C1orf116: variants seen among roughly 807,000 people sequenced by gnomAD.
C1orf116 encodes the protein specifically androgen-regulated gene protein.
A neutral mutation model predicts 14.1 loss-of-function variants in C1orf116; 12 were observed. That is an observed-to-expected ratio of 0.85 (90% CI 0.54 to 1.38). The LOEUF (loss-of-function observed/expected upper bound fraction) is 1.38. Among genes scored for constraint, C1orf116 ranks in the 40% most tolerant of loss-of-function variants. The probability of loss-of-function intolerance (pLI) is 0.00; values close to 1 mark genes in which losing one functional copy is unlikely to be tolerated. For missense variants in C1orf116, 797 were observed against 747.0 expected (o/e 1.07, Z -0.78); for synonymous variants, 296 against 299.0 (o/e 0.99, Z 0.10).
rs1227241034 is a variant in C1orf116 at position 207,020,121 on chromosome 1, TATA to T, written c.*1834_*1836del. 3 of 152,168 alleles carry T rather than the reference TATA, an allele frequency of 2.0e-5. No homozygotes were observed. Among genetic ancestry groups the T allele is most frequent in the African/African-American group, 7.2e-5 (3 of 41,428 alleles). The allele number at this position is 152,168 out of a possible 1,614,324, so 9.4% of individuals were successfully genotyped here. A position where few individuals can be genotyped will look rare whatever the true frequency, so the allele number is the denominator to read the frequency against. ...GCAGCTTTCTCTCTTTCTGGGGGTG[TATA>T]ATAAGACATAACTTGGCCGGTTGTG... On this transcript the variant is annotated 3_prime_UTR_variant, in exon 4 of 4. Transcript: ENST00000359470.
Position 207,032,740 on chromosome 1 carries a change from GC to G in C1orf116, c.-244del. On this transcript the variant is annotated 5_prime_UTR_variant, in exon 1 of 4. Coordinates refer to ENST00000359470, the MANE Select transcript of C1orf116 (RefSeq NM_023938.6). ...GTAAATGCTTCATCTGTGCTGCCTGGCCCCCACCCTGCCACTGACTCAGCCA... is the reference window on the plus strand; with the variant it reads ...GTAAATGCTTCATCTGTGCTGCCTGGCCCCACCCTGCCACTGACTCAGCCA... 1.0e-6 allele frequency: 1 copy of G among 985,270 alleles called. No individual in the cohort carries two copies. The highest frequency in any genetic ancestry group is 1.7e-5 in the African/African-American group (1 of 57,260). 61.0% of individuals were successfully genotyped at this position (985,270 alleles called of 1,614,324 possible).
chr1:207,031,695 C>T (rs1682250541), intron 1 of C1orf116, among the ~76,000 whole-genome samples: 1 of 152,218 alleles, frequency 6.6e-6, no homozygotes, highest in South Asian at 2.1e-4. Flanking sequence ...CACAAACTGC[C>T]AACTGGGACA....
At chr1:207,028,180 A>T (rs1449418651) in intron 1 of C1orf116, among the ~76,000 whole-genome samples, 3 of 152,222 alleles carry the variant, frequency 2.0e-5, no homozygotes, top group East Asian at 3.8e-4. Context: ...AGACCTCATG[A>T]GTCAATAATT....
chr1:207,026,386 C>T (rs537927234), intron 2 of C1orf116, among the ~76,000 whole-genome samples: 1 of 152,336 alleles, frequency 6.6e-6, no homozygotes, highest in Non-Finnish European at 1.5e-5. Flanking sequence ...TGAGTTTCTC[C>T]TTCATGAATG....
rs1238163113 is a variant in C1orf116 at position 207,019,778 on chromosome 1, T to C, written c.*2180A>G. On this transcript the variant is annotated 3_prime_UTR_variant, in exon 4 of 4. Transcript: ENST00000359470. The stretch of plus-strand genomic sequence containing the variant: ...ATTAAGAAAACTGGAGAAATGGGCA[T>C]GTCAGTAGGATGAGGATGCCTAGTG... 1.3e-5 allele frequency: 2 copies of C among 152,210 alleles called. No homozygotes were observed. The highest frequency in any genetic ancestry group is 4.8e-5 in the African/African-American group (2 of 41,436). 9.4% of individuals were successfully genotyped at this position (152,210 alleles called of 1,614,324 possible). A position where few individuals can be genotyped will look rare whatever the true frequency, so the allele number is the denominator to read the frequency against.
chr1:207,031,916 G>A (rs983844783), intron 1 of C1orf116, among the ~76,000 whole-genome samples: 1 of 152,194 alleles, frequency 6.6e-6, no homozygotes, highest in African/African-American at 2.4e-5. Context: ...AAAGTTAATT[G>A]AGTAGAATCC....
At position 207,020,015 on chromosome 1, in the gene C1orf116, A is replaced by T. The variant is rs1292113859; in HGVS notation, c.*1943T>A. 1 of 152,210 alleles carries T rather than the reference A, an allele frequency of 6.6e-6. No individual in the cohort carries two copies. Among genetic ancestry groups the T allele is most frequent in the African/African-American group, 2.4e-5 (1 of 41,456 alleles). The allele number at this position is 152,210 out of a possible 1,614,324, so 9.4% of individuals were successfully genotyped here. ...AAATTAATGAATAAGGAATAAGGTG[A>T]TCATTCTTCAGGTTATGGGTTGAAA... On this transcript the variant is annotated 3_prime_UTR_variant, in exon 4 of 4. Transcript: ENST00000359470.
Position 207,020,109 on chromosome 1 carries a change from T to C in C1orf116, c.*1849A>G, listed in dbSNP as rs1431481932. ...GTCCTCCAGAAGGCAGCTTTCTCTC[T>C]TTCTGGGGGTGTATAATAAGACATA... On this transcript the variant is annotated 3_prime_UTR_variant, in exon 4 of 4. Transcript: ENST00000359470. 1 of 152,206 alleles carries C rather than the reference T, an allele frequency of 6.6e-6. No homozygotes were observed. The highest frequency in any genetic ancestry group is 1.5e-5 in the Non-Finnish European group (1 of 68,048). The allele number at this position is 152,206 out of a possible 1,614,324, so 9.4% of individuals were successfully genotyped here.
chr1:207,022,747 T>C lies in C1orf116; in HGVS notation c.1017A>G (p.Ser339=). ...APGDSGLISC[S]LQEQRKARKE... is the part of the protein sequence containing the mutation. Reference sequence around the variant, plus strand: ...TACGTGCTTTTCTCTGCTCTTGCAGTGAACAGGAGATCAGGCCAGAATCTC... The same window carrying C: ...TACGTGCTTTTCTCTGCTCTTGCAGCGAACAGGAGATCAGGCCAGAATCTC... Residue 339 remains serine, a synonymous_variant, in exon 4 of 4, where the codon TCA becomes TCG. Transcript: ENST00000359470. The C allele has an allele frequency of 2.5e-6, 4 of 1,614,166 alleles. No homozygotes were observed. The highest frequency in any genetic ancestry group is 2.5e-6 in the Non-Finnish European group (3 of 1,180,032).
In C1orf116 at chr1:207,024,969, G is replaced by A. The variant is rs541943878; in HGVS notation, c.201C>T (p.Ser67=). 4 of 1,613,966 alleles carry A rather than the reference G, an allele frequency of 2.5e-6. No individual in the cohort carries two copies. The highest frequency in any genetic ancestry group is 2.2e-5 in the East Asian group (1 of 44,870). Reference sequence around the variant, plus strand: ...GCTCAGACTCGTCAGTGGACAGTCCGCTGTCAGCCTCCGTGTCCAGTGAGC... The same window carrying A: ...GCTCAGACTCGTCAGTGGACAGTCCACTGTCAGCCTCCGTGTCCAGTGAGC... The part of the protein sequence containing the change: ...TIGSLDTEAD[S]GLSTDESEPA... The change falls in exon 3 of 4, where the codon AGC becomes AGT. Residue 67 remains serine, a synonymous_variant. Coordinates refer to ENST00000359470, the MANE Select transcript of C1orf116 (RefSeq NM_023938.6).
At chr1:207,028,697 G>A (rs760125574) in intron 1 of C1orf116, among the ~76,000 whole-genome samples, 8 of 152,202 alleles carry the variant, frequency 5.3e-5, no homozygotes, top group Non-Finnish European at 1.0e-4. Flanking sequence ...AAGGAAGGCA[G>A]TGCCATCTTC....
At position 207,019,807 on chromosome 1, in the gene C1orf116, G is replaced by C. The variant is rs1044274503; in HGVS notation, c.*2151C>G. Reference sequence around the variant, plus strand: ...AGTAGGATGAGGATGCCTAGTGGCAGGTGCAGGATGTCTGTGACTTTGTCG... The same window carrying C: ...AGTAGGATGAGGATGCCTAGTGGCACGTGCAGGATGTCTGTGACTTTGTCG... On this transcript the variant is annotated 3_prime_UTR_variant, in exon 4 of 4. Transcript: ENST00000359470. 2 of 152,210 alleles carry C rather than the reference G, an allele frequency of 1.3e-5. No individual in the cohort carries two copies. The highest frequency in any genetic ancestry group is 1.3e-4 in the Admixed American group (2 of 15,282). The allele number at this position is 152,210 out of a possible 1,614,324, so 9.4% of individuals were successfully genotyped here.
At position 207,022,714 on chromosome 1, in the gene C1orf116, A is replaced by G; in HGVS notation, c.1050T>C (p.Ala350=). The G allele has an allele frequency of 6.2e-7, 1 of 1,614,034 alleles. No individual in the cohort carries two copies. The highest frequency in any genetic ancestry group is 2.2e-5 in the East Asian group (1 of 44,862). The change falls in exon 4 of 4, where the codon GCT becomes GCC. Residue 350 remains alanine, a synonymous_variant. Coordinates refer to ENST00000359470, the MANE Select transcript of C1orf116 (RefSeq NM_023938.6). ...CCTGGGGTAGCCCCAGCTTCTCTAG[A>G]GCTTCTTTACGTGCTTTTCTCTGCT... ...LQEQRKARKE[A]LEKLGLPQDQ... is the part of the protein sequence containing the mutation.
chr1:207,018,611 A>C lies in C1orf116; in HGVS notation c.*3347T>G, dbSNP rs572629056. The C allele has an allele frequency of 5.3e-5, 8 of 152,322 alleles. No homozygotes were observed. The highest frequency in any genetic ancestry group is 3.3e-4 in the Admixed American group (5 of 15,300). 9.4% of individuals were successfully genotyped at this position (152,322 alleles called of 1,614,324 possible). ...ACTTATTTATCTCAACAATCTTGAA[A>C]GGGTGGTATTATTTTCCCCGTCTTA... On this transcript the variant is annotated 3_prime_UTR_variant, in exon 4 of 4. Transcript: ENST00000359470.
In C1orf116 at chr1:207,025,007, C is replaced by T. The variant is rs951600849; in HGVS notation, c.163G>A (p.Glu55Lys). 6.2e-7 allele frequency: 1 copy of T among 1,608,328 alleles called. No individual in the cohort carries two copies. The highest frequency in any genetic ancestry group is 1.4e-5 in the African/African-American group (1 of 73,740). Residue 55 changes from glutamate to lysine, a missense_variant, in exon 3 of 4, where the codon GAG becomes AAG. By Grantham distance (56) the Glu-to-Lys change is moderately conservative. Transcript: ENST00000359470. ...GTGTCCAGTGAGCCAATGGTCTCCT[C>T]CAGGAAGAGCAGACACTCCTTCTCT... ...TEEKECLLFLEETIGSLDTEA... is the reference protein window; with the variant it reads ...TEEKECLLFLKETIGSLDTEA...
At chr1:207,024,327 G>A (rs1018842525) in intron 3 of C1orf116, among the ~76,000 whole-genome samples, 1 of 152,228 alleles carries the variant, frequency 6.6e-6, no homozygotes, top group Non-Finnish European at 1.5e-5. Flanking sequence ...GGAGTAAAAG[G>A]TTTCTCACAC....
chr1:207,023,649 T>C (rs1420284792), intron 3 of C1orf116, among the ~76,000 whole-genome samples, 169 bp from the exon 4 acceptor site: 1 of 152,196 alleles, frequency 6.6e-6, no homozygotes, highest in Non-Finnish European at 1.5e-5. Flanking sequence ...GCAGCACTTT[T>C]GTCTGGATAT....
rs766393608 is a variant in C1orf116, at chr1:207,022,586, G to T, written c.1178C>A (p.Pro393His). Residue 393 changes from proline to histidine, a missense_variant, in exon 4 of 4, where the codon CCT becomes CAT. Physicochemically the swap from Pro to His is moderately conservative, Grantham distance 77. Transcript: ENST00000359470. ...TGCTGAGGCCTGGGCTGGAGCTGCAGGCTGAGCCAGACCTGGAGCTGGGGA... is the reference window on the plus strand; with the variant it reads ...TGCTGAGGCCTGGGCTGGAGCTGCATGCTGAGCCAGACCTGGAGCTGGGGA... ...HLSPAPGLAQPAAPAQASAAI... is the reference protein window; with the variant it reads ...HLSPAPGLAQHAAPAQASAAI... The T allele has an allele frequency of 8.7e-6, 14 of 1,614,072 alleles. No individual in the cohort carries two copies.
intron 1 of C1orf116, 32 bp downstream of exon 1, chr1:207,032,547 G>C: frequency 1.0e-6 from 1 of 980,858 alleles, no homozygotes. Context: ...ATTGCTATAG[G>C]ATAAGCAATA....
Sources: gnomAD v4.1 joint callset for allele counts (sites outside exome capture counted in the v4.1 genomes callset) on GRCh38, gnomAD v4.1.1 for gene constraint, MANE v1.5 for transcripts, NCBI Gene and HGNC (gene_info 2026-07-23, HGNC 2026-07-21) for gene names.